Variants in SORCS2 observed in about 807,000 individuals in gnomAD.
SORCS2 encodes VPS10 domain-containing receptor SorCS2.
In SORCS2, 100 loss-of-function variants were observed where a neutral mutation model predicts 141.6. The observed-to-expected ratio is 0.71, with a 90% CI of 0.60 to 0.83. The LOEUF (loss-of-function observed/expected upper bound fraction) is 0.83, where lower values mean the gene tolerates loss of function less well. Ranked by LOEUF, SORCS2 falls within the 40% of genes least tolerant of loss-of-function variation. The pLI is 0.00. For synonymous variants in SORCS2, 789 were observed against 676.9 expected (o/e 1.17, Z -2.57); for missense variants, 1,646 against 1,560.2 (o/e 1.05, Z -0.93).
intron 3 of SORCS2, among the ~76,000 whole-genome samples, chr4:7,583,529 G>T (rs1337245932): frequency 6.6e-6 from 1 of 152,184 alleles, no homozygotes; most frequent in Non-Finnish European, 1.5e-5. Flanking sequence ...CCCTCAAGTT[G>T]TGGGAGGGGC....
chr4:7,240,146 C>G (rs1414116685), intron 1 of SORCS2, among the ~76,000 whole-genome samples: 1 of 152,166 alleles, frequency 6.6e-6, no homozygotes, highest in African/African-American at 2.4e-5. Context: ...TGTGATGACC[C>G]CGGCCCCACG....
At chr4:7,660,845 A>G (rs565759226) in intron 5 of SORCS2, among the ~76,000 whole-genome samples, 1 of 152,246 alleles carries the variant, frequency 6.6e-6, no homozygotes, top group South Asian at 2.1e-4. Flanking sequence ...CACCTCACGA[A>G]AGGATTCAGG....
chr4:7,282,805 G>T (rs1005953376), intron 1 of SORCS2, among the ~76,000 whole-genome samples: 1 of 152,176 alleles, frequency 6.6e-6, no homozygotes, highest in African/African-American at 2.4e-5. Flanking sequence ...ACACTCTAGG[G>T]GGTCTTGCCC....
intron 2 of SORCS2, among the ~76,000 whole-genome samples, chr4:7,527,147 C>T (rs1733744234): frequency 6.6e-6 from 1 of 152,206 alleles, no homozygotes; most frequent in Non-Finnish European, 1.5e-5. Context: ...TCTCTCACAG[C>T]TCACGTGGGG....
At chr4:7,617,403 C>G (rs1219896665) in intron 3 of SORCS2, among the ~76,000 whole-genome samples, 1 of 152,172 alleles carries the variant, frequency 6.6e-6, no homozygotes, top group Non-Finnish European at 1.5e-5. Context: ...CCCTTTCCTT[C>G]CATCCATCCA....
chr4:7,701,522 C>CT (rs1205546079), intron 12 of SORCS2, among the ~76,000 whole-genome samples: 1 of 152,160 alleles, frequency 6.6e-6, no homozygotes, highest in East Asian at 1.9e-4. Context: ...TCAAGGTGGG[C>CT]AGGGGCCCCT....
chr4:7,609,956 G>T lies in SORCS2; in HGVS notation c.649-28372G>T, dbSNP rs539217858. 6.6e-5 allele frequency among the ~76,000 whole-genome samples: 10 copies of T among 152,308 alleles called. No individual in the cohort carries two copies. The East Asian group carries it at 1.5e-3, about 23-fold the overall frequency. ...CCCTATTTTCCTTCATTCCTTGGCA[G>T]TTGTGCTCGGGGCGGATAGCGCCAG... On this transcript the variant is annotated intron_variant, in intron 3 of 26. Transcript: ENST00000507866.
chr4:7,314,280 C>T (rs1718398628), intron 1 of SORCS2, among the ~76,000 whole-genome samples: 1 of 151,972 alleles, frequency 6.6e-6, no homozygotes, highest in South Asian at 2.1e-4. Context: ...CAGGGCTCCG[C>T]ATTCACAGGG....
intron 3 of SORCS2, among the ~76,000 whole-genome samples, chr4:7,564,966 C>T (rs1163021726): frequency 1.3e-5 from 2 of 152,148 alleles, no homozygotes; most frequent in Non-Finnish European, 2.9e-5. Context: ...ACTGGCCACT[C>T]TGAATGAGAT....
At chr4:7,734,855 T>A (rs1712036078) in intron 25 of SORCS2, among the ~76,000 whole-genome samples, 1 of 152,184 alleles carries the variant, frequency 6.6e-6, no homozygotes, top group Admixed American at 6.5e-5. Flanking sequence ...CTGCTGAGCT[T>A]CCTGCCAGGC....
intron 11 of SORCS2, among the ~76,000 whole-genome samples, chr4:7,693,185 TTCCTCATCTTCACCC>T (rs1448661812): frequency 5.6e-5 from 1 of 17,810 alleles, no homozygotes; most frequent in Non-Finnish European, 1.2e-4. Context: ...TCACCCTTTC[TTCCTCATCTTCACCC>T]TTTCTTCCTC....
chr4:7,673,381 G>A (rs898305546), intron 8 of SORCS2, among the ~76,000 whole-genome samples: 1 of 152,172 alleles, frequency 6.6e-6, no homozygotes, highest in African/African-American at 2.4e-5. Flanking sequence ...TGACCATCTC[G>A]CAGTTATGTT....
intron 2 of SORCS2, among the ~76,000 whole-genome samples, chr4:7,397,252 C>T (rs79283537): frequency 0.035 from 5,314 of 152,118 alleles, 150 homozygotes; most frequent in Admixed American, 0.046. Flanking sequence ...TTGGTTCTTA[C>T]GGAGGGATTT....
intron 3 of SORCS2, among the ~76,000 whole-genome samples, chr4:7,552,013 G>A (rs1034341137): frequency 3.6e-4 from 55 of 152,124 alleles, no homozygotes; most frequent in Admixed American, 1.6e-3. Flanking sequence ...TGCTCCACAC[G>A]GCTCATAAAT....
intron 2 of SORCS2, among the ~76,000 whole-genome samples, chr4:7,445,146 G>T (rs1727905404): frequency 1.3e-5 from 2 of 152,228 alleles, no homozygotes; most frequent in South Asian, 4.1e-4. Flanking sequence ...ACTGGGTTGT[G>T]GGAGGCAGAT....
At chr4:7,374,843 C>T (rs1722537960) in intron 1 of SORCS2, among the ~76,000 whole-genome samples, 1 of 152,096 alleles carries the variant, frequency 6.6e-6, no homozygotes, top group African/African-American at 2.4e-5. Flanking sequence ...TGGGGGGAGG[C>T]TTTTTTGCTG....
At chr4:7,433,164 G>A (rs886867254) in intron 2 of SORCS2, 16 of 764,894 alleles carry the variant, frequency 2.1e-5, no homozygotes, top group African/African-American at 1.1e-4. Flanking sequence ...AGAGGCTTTC[G>A]GGATCAGGAA....
At chr4:7,676,907 C>T (rs1014287408) in intron 9 of SORCS2, among the ~76,000 whole-genome samples, 263 of 7,002 alleles carry the variant, frequency 0.038, 35 homozygotes, top group Middle Eastern at 0.2. Context: ...TCTCTCTCTC[C>T]CTCTCTCCCT....
chr4:7,540,389 G>A (rs1461849405), intron 3 of SORCS2, among the ~76,000 whole-genome samples: 1 of 152,102 alleles, frequency 6.6e-6, no homozygotes, highest in Non-Finnish European at 1.5e-5. Flanking sequence ...CTGTGGCTAG[G>A]AAACCCTGTG....
Sources: allele counts gnomAD v4.1 joint callset (sites outside exome capture counted in the v4.1 genomes callset), GRCh38; gene constraint gnomAD v4.1.1; transcripts MANE v1.5; gene names NCBI Gene and HGNC (gene_info 2026-07-23, HGNC 2026-07-21).